GALNTL6: variants seen among roughly 807,000 people sequenced by gnomAD.
The protein encoded by GALNTL6 is polypeptide N-acetylgalactosaminyltransferase-like 6.
A neutral mutation model predicts 73.7 loss-of-function variants in GALNTL6; 46 were observed. That is an observed-to-expected ratio of 0.62 (90% CI 0.49 to 0.80). The LOEUF (loss-of-function observed/expected upper bound fraction) is 0.80. Among genes scored for constraint, GALNTL6 ranks in the 30% least tolerant of loss-of-function variants. GALNTL6 has a pLI of 0.00. For synonymous variants in GALNTL6, 259 were observed against 263.7 expected (o/e 0.98, Z 0.17); for missense variants, 604 against 755.0 (o/e 0.80, Z 2.34).
chr4:172,502,982 C>A (rs777826150), intron 5 of GALNTL6, among the ~76,000 whole-genome samples: 1 of 152,096 alleles, frequency 6.6e-6, no homozygotes, highest in Non-Finnish European at 1.5e-5. Context: ...ACAGAAATCT[C>A]GGATAACGTT....
intron 3 of GALNTL6, among the ~76,000 whole-genome samples, chr4:172,300,418 G>A (rs998601991): frequency 3.9e-5 from 6 of 152,262 alleles, no homozygotes; most frequent in Middle Eastern, 3.4e-3. Context: ...TCATTATGAT[G>A]TTAGCTGGTT....
At chr4:172,305,311 T>C (rs1311098530) in intron 3 of GALNTL6, among the ~76,000 whole-genome samples, 1 of 152,140 alleles carries the variant, frequency 6.6e-6, no homozygotes, top group Admixed American at 6.5e-5. Flanking sequence ...AAGACATATT[T>C]GTAAGACAGC....
chr4:172,307,410 T>C (rs983822686), intron 3 of GALNTL6, among the ~76,000 whole-genome samples: 3 of 152,228 alleles, frequency 2.0e-5, no homozygotes, highest in African/African-American at 7.2e-5. Flanking sequence ...TTTGGGGTTC[T>C]TGGTCATGAA....
intron 4 of GALNTL6, among the ~76,000 whole-genome samples, chr4:172,343,613 A>G (rs911713903): frequency 1.3e-5 from 2 of 152,162 alleles, no homozygotes; most frequent in East Asian, 3.8e-4. Context: ...TATGTGTTAA[A>G]CAATACTGTT....
At chr4:172,639,322 A>G (rs1315591154) in intron 5 of GALNTL6, among the ~76,000 whole-genome samples, 1 of 152,008 alleles carries the variant, frequency 6.6e-6, no homozygotes, top group East Asian at 1.9e-4. Flanking sequence ...TATCCTCAGC[A>G]TTTTCGTTTC....
rs545046581 is a variant in GALNTL6, at chr4:173,035,832, A to G, written c.1639-4101A>G. Reference sequence around the variant, plus strand: ...GAAAATTCTATTTTGCCAGGACTTCAGAAAACACAATTTGGTGTCGAATAG... The same window carrying G: ...GAAAATTCTATTTTGCCAGGACTTCGGAAAACACAATTTGGTGTCGAATAG... On this transcript the variant is annotated intron_variant, in intron 12 of 12. Transcript: ENST00000506823. 8.5e-5 allele frequency among the ~76,000 whole-genome samples: 13 copies of G among 152,332 alleles called. No homozygotes were observed. In the South Asian group the frequency reaches 2.5e-3, roughly 29 times the overall value.
intron 5 of GALNTL6, among the ~76,000 whole-genome samples, chr4:172,377,726 G>GT (rs1427961271): frequency 6.6e-6 from 1 of 152,166 alleles, no homozygotes; most frequent in Non-Finnish European, 1.5e-5. Context: ...TGCGGCACGG[G>GT]TAGGCTGGCA....
intron 3 of GALNTL6, among the ~76,000 whole-genome samples, chr4:172,247,332 C>T (rs1174468352): frequency 6.6e-6 from 1 of 152,132 alleles, no homozygotes; most frequent in Non-Finnish European, 1.5e-5. Context: ...CCCTATTTTT[C>T]ACAGCCTTCT....
At chr4:172,529,800 C>T (rs1158440501) in intron 5 of GALNTL6, among the ~76,000 whole-genome samples, 5 of 151,962 alleles carry the variant, frequency 3.3e-5, no homozygotes, top group African/African-American at 1.2e-4. Flanking sequence ...ATTCTCCTGC[C>T]TCAGCCTCCC....
intron 2 of GALNTL6, among the ~76,000 whole-genome samples, chr4:172,047,453 AT>A (rs1450835423): frequency 3.9e-5 from 6 of 152,128 alleles, no homozygotes; most frequent in African/African-American, 1.4e-4. Context: ...CATTAGTTGA[AT>A]TTTGCCGTGC....
intron 3 of GALNTL6, among the ~76,000 whole-genome samples, chr4:172,307,383 G>T (rs961500513): frequency 6.6e-6 from 1 of 152,054 alleles, no homozygotes; most frequent in Admixed American, 6.5e-5. Context: ...ATTTATCTTT[G>T]TTTTTCTTGC....
chr4:172,120,711 T>C (rs916156672), intron 2 of GALNTL6, among the ~76,000 whole-genome samples: 2 of 152,042 alleles, frequency 1.3e-5, no homozygotes, highest in South Asian at 2.1e-4. Flanking sequence ...AAGAGAATGA[T>C]AATGGACAGA....
chr4:172,562,473 T>C (rs563999084), intron 5 of GALNTL6, among the ~76,000 whole-genome samples: 100 of 152,270 alleles, frequency 6.6e-4, no homozygotes, highest in African/African-American at 1.6e-3. Flanking sequence ...CCCCTTAGTC[T>C]CCATGCACAA....
intron 2 of GALNTL6, among the ~76,000 whole-genome samples, chr4:172,113,927 C>T (rs1054656305): frequency 6.6e-6 from 1 of 152,072 alleles, no homozygotes; most frequent in Non-Finnish European, 1.5e-5. Context: ...TACAACTACT[C>T]AATCTCTTCA....
intron 2 of GALNTL6, among the ~76,000 whole-genome samples, chr4:172,064,123 T>C (rs561371967): frequency 2.3e-4 from 35 of 152,360 alleles, no homozygotes; most frequent in African/African-American, 7.7e-4. Flanking sequence ...TGATATCACC[T>C]GCTAAATATA....
chr4:172,222,249 A>G lies in GALNTL6; in HGVS notation c.139-7407A>G, dbSNP rs77943321. Reference sequence around the variant, plus strand: ...TAATCTTCCCACTGACCAAAGAATGAAAATCTCATTAAAAAGTAGTTTCAA... The same window carrying G: ...TAATCTTCCCACTGACCAAAGAATGGAAATCTCATTAAAAAGTAGTTTCAA... On this transcript the variant is annotated intron_variant, in intron 2 of 12. Coordinates refer to ENST00000506823, the MANE Select transcript of GALNTL6 (RefSeq NM_001034845.3). Among the ~76,000 whole-genome samples, 292 of 152,068 alleles carry G rather than the reference A, an allele frequency of 1.9e-3. 2 individuals carry two copies. Among genetic ancestry groups the G allele is most frequent in the African/African-American group, 6.5e-3 (269 of 41,568 alleles).
chr4:172,175,928 A>G (rs1344188796), intron 2 of GALNTL6, among the ~76,000 whole-genome samples: 1 of 152,188 alleles, frequency 6.6e-6, no homozygotes, highest in East Asian at 1.9e-4. Context: ...AATATAGTTG[A>G]ATAATTACAG....
At chr4:172,632,764 GC>G (rs1289622221) in intron 5 of GALNTL6, among the ~76,000 whole-genome samples, 4 of 152,284 alleles carry the variant, frequency 2.6e-5, no homozygotes, top group African/African-American at 9.6e-5. Context: ...TCCATCACAT[GC>G]CTAGAGGCCT....
chr4:172,401,494 A>G, intron 5 of GALNTL6, among the ~76,000 whole-genome samples: 1 of 152,234 alleles, frequency 6.6e-6, no homozygotes, highest in South Asian at 2.1e-4. Context: ...CTTCTAAAGG[A>G]TTTATGTCTC....
Sources: allele counts gnomAD v4.1 joint callset (sites outside exome capture counted in the v4.1 genomes callset), GRCh38; gene constraint gnomAD v4.1.1; transcripts MANE v1.5; gene names NCBI Gene and HGNC (gene_info 2026-07-23, HGNC 2026-07-21).